The following ATP6V1C1 variants were observed in gnomAD, a reference collection of about 807,000 sequenced individuals.
ATP6V1C1 encodes ATPase H+ transporting V1 subunit C1.
In ATP6V1C1, 45 loss-of-function variants were observed where a neutral mutation model predicts 53.9. That is an observed-to-expected ratio of 0.83 (90% CI 0.66 to 1.07). The LOEUF is 1.07. Among genes scored for constraint, ATP6V1C1 ranks in the 50% least tolerant of loss-of-function variants. ATP6V1C1 has a pLI of 0.00. For synonymous variants in ATP6V1C1, 153 were observed against 155.2 expected, an observed-to-expected ratio of 0.99 and a Z score of 0.11; for missense variants, 315 against 440.3, an observed-to-expected ratio of 0.72 and a Z score of 2.55.
intron 1 of ATP6V1C1, among the ~76,000 whole-genome samples, chr8:103,038,052 A>G (rs1365963671): frequency 1.3e-5 from 2 of 152,186 alleles, no homozygotes; most frequent in Non-Finnish European, 2.9e-5. Flanking sequence ...CTGCACAACA[A>G]ACTACCCCAA....
chr8:103,053,870 T>C lies in ATP6V1C1; in HGVS notation c.474-14T>C, dbSNP rs376142951. 395 of 1,591,460 alleles carry C rather than the reference T, an allele frequency of 2.5e-4. 2 individuals are homozygous for C. Among genetic ancestry groups the C allele is most frequent in the Middle Eastern group, 2.0e-3 (12 of 5,994 alleles). ...ACATAATTATCAGCCTAATGATTTG[T>C]TTTAATTCCTCAGAGGAAGTTTGCT... On this transcript the variant is annotated splice_polypyrimidine_tract_variant and intron_variant, in intron 6 of 12. Transcript: ENST00000518738.
chr8:103,050,981 T>C, intron 4 of ATP6V1C1, 69 bp from the exon 5 acceptor site: 2 of 1,044,126 alleles, frequency 1.9e-6, no homozygotes, highest in Non-Finnish European at 2.9e-6. Flanking sequence ...CATTAAAATA[T>C]ATCGCTGTGT....
chr8:103,069,474 A>G lies in ATP6V1C1; in HGVS notation c.*727A>G, dbSNP rs1353812513. 1.3e-5 allele frequency: 2 copies of G among 152,222 alleles called. No homozygotes were observed. Among genetic ancestry groups the G allele is most frequent in the African/African-American group, 4.8e-5 (2 of 41,464 alleles). The allele number at this position is 152,222 out of a possible 1,614,324, so 9.4% of individuals were successfully genotyped here. A position where few individuals can be genotyped will look rare whatever the true frequency, so the allele number is the denominator to read the frequency against. The stretch of plus-strand genomic sequence containing the variant: ...AAATTTGAAGATGACTTTTCAGTAT[A>G]TGATGGGTATTTACATTTGAACACT... On this transcript the variant is annotated 3_prime_UTR_variant, in exon 13 of 13. Coordinates refer to ENST00000518738, the MANE Select transcript of ATP6V1C1 (RefSeq NM_001695.5).
At chr8:103,052,610 A>G (rs1344527221) in intron 5 of ATP6V1C1, 121 bp from the exon 6 acceptor site, 10 of 446,986 alleles carry the variant, frequency 2.2e-5, no homozygotes, top group African/African-American at 4.1e-5. Context: ...ATAATAGAAT[A>G]TTCTTACACT....
intron 8 of ATP6V1C1, among the ~76,000 whole-genome samples, chr8:103,057,812 C>T (rs1452582952): frequency 6.6e-6 from 1 of 152,050 alleles, no homozygotes; most frequent in African/African-American, 2.4e-5. Context: ...TAACAACAAA[C>T]TTGTGCTCAT....
At chr8:103,033,284 A>G (rs1176681856) in intron 1 of ATP6V1C1, among the ~76,000 whole-genome samples, 1 of 152,224 alleles carries the variant, frequency 6.6e-6, no homozygotes, top group East Asian at 1.9e-4. Context: ...TACATTTGTC[A>G]AAAACTCATC....
Position 103,028,342 on chromosome 8 carries a change from A to G in ATP6V1C1, c.-40+7117A>G, listed in dbSNP as rs116396758. ...GCAGAAAAACTCAGACAGGGATGCT[A>G]GTAGTGATGACAGTGAAGATTGGCA... On this transcript the variant is annotated intron_variant, in intron 1 of 12. Transcript: ENST00000518738. Among the ~76,000 whole-genome samples the G allele has an allele frequency of 4.4e-3, 673 of 152,320 alleles. 4 individuals carry two copies. The highest frequency in any genetic ancestry group is 0.015 in the African/African-American group (629 of 41,566).
At chr8:103,042,929 T>A (rs1428053214) in intron 3 of ATP6V1C1, among the ~76,000 whole-genome samples, 10 of 152,234 alleles carry the variant, frequency 6.6e-5, no homozygotes, top group Non-Finnish European at 2.9e-5. Context: ...TATCAGTATT[T>A]CATTTCTTTT....
chr8:103,029,393 C>T (rs558381553), intron 1 of ATP6V1C1, among the ~76,000 whole-genome samples: 23 of 152,044 alleles, frequency 1.5e-4, no homozygotes, highest in Admixed American at 1.4e-3. Context: ...CCTCAGCCTC[C>T]CAAGTAGCTG....
At chr8:103,051,926 G>A (rs143343800) in intron 5 of ATP6V1C1, among the ~76,000 whole-genome samples, 195 of 152,078 alleles carry the variant, frequency 1.3e-3, no homozygotes, top group African/African-American at 4.5e-3. Flanking sequence ...TTAGTTATGC[G>A]GTGTGCTGTA....
At chr8:103,066,537 A>C in intron 12 of ATP6V1C1, 90 bp downstream of exon 12, 2 of 1,344,226 alleles carry the variant, frequency 1.5e-6, no homozygotes, top group Non-Finnish European at 2.0e-6. Flanking sequence ...AGGGAGGGTA[A>C]GTATGAAACT....
chr8:103,040,549 G>T (rs1186080840), intron 1 of ATP6V1C1, among the ~76,000 whole-genome samples: 1 of 151,984 alleles, frequency 6.6e-6, no homozygotes, highest in Non-Finnish European at 1.5e-5. Context: ...GTTTTATAAT[G>T]AAAAAAAGTA....
Position 103,042,407 on chromosome 8 carries a change from G to A in ATP6V1C1, c.200G>A (p.Gly67Glu). 5.0e-6 allele frequency: 8 copies of A among 1,613,672 alleles called. No homozygotes were observed. The highest frequency in any genetic ancestry group is 6.8e-6 in the Non-Finnish European group (8 of 1,179,806). The part of the protein sequence containing the change: ...ELAKLDAFVE[G>E]VVKKVAQYMA... Reference sequence around the variant, plus strand: ...GCTAAACTGGATGCATTTGTAGAAGGGTAATGTACTTATATGCATGGAGTA... The same window carrying A: ...GCTAAACTGGATGCATTTGTAGAAGAGTAATGTACTTATATGCATGGAGTA... The change falls in exon 3 of 13, where the codon GGA becomes GAA. Residue 67 changes from glycine to glutamate, a missense_variant and splice_region_variant. Transcript: ENST00000518738.
intron 1 of ATP6V1C1, among the ~76,000 whole-genome samples, chr8:103,031,815 A>G (rs1157371549): frequency 1.3e-5 from 2 of 152,228 alleles, no homozygotes; most frequent in Non-Finnish European, 2.9e-5. Flanking sequence ...TTTAACATAC[A>G]TGTGATCTTG....
chr8:103,028,839 C>A (rs1816742783), intron 1 of ATP6V1C1, among the ~76,000 whole-genome samples: 1 of 152,194 alleles, frequency 6.6e-6, no homozygotes, highest in Admixed American at 6.5e-5. Context: ...ATCACATCTT[C>A]AGAAGTAGCT....
intron 1 of ATP6V1C1, among the ~76,000 whole-genome samples, chr8:103,036,253 ACT>A (rs1816897796): frequency 6.6e-6 from 1 of 152,222 alleles, no homozygotes; most frequent in Admixed American, 6.5e-5. Flanking sequence ...TCTGTGTATT[ACT>A]GCCTATCTCA....
rs1391056959 is a variant in ATP6V1C1, at chr8:103,058,628, CTT to C, written c.641+2693_641+2694del. On this transcript the variant is annotated intron_variant, in intron 8 of 12. Transcript: ENST00000518738. ...AACACATTACTTTTTGGTATGATAA[CTT>C]GAGTGATTATTGTTGGGAGCAGTGA... is the stretch of plus-strand genomic sequence containing the variant. Among the ~76,000 whole-genome samples the C allele has an allele frequency of 3.9e-5, 6 of 152,228 alleles. No homozygotes were observed. The East Asian group carries it at 9.6e-4, about 24-fold the overall frequency.
intron 4 of ATP6V1C1, among the ~76,000 whole-genome samples, chr8:103,049,424 C>T (rs1817161196): frequency 6.6e-6 from 1 of 152,108 alleles, no homozygotes; most frequent in African/African-American, 2.4e-5. Context: ...ATGATTTTGG[C>T]ATTTCTTTAC....
chr8:103,036,081 A>T (rs947692798), intron 1 of ATP6V1C1, among the ~76,000 whole-genome samples: 3 of 152,202 alleles, frequency 2.0e-5, no homozygotes, highest in Admixed American at 6.5e-5. Flanking sequence ...TGAAGCTTAC[A>T]TGTGGATTTC....
Sources: allele counts gnomAD v4.1 joint callset (sites outside exome capture counted in the v4.1 genomes callset), GRCh38; gene constraint gnomAD v4.1.1; transcripts MANE v1.5; gene names NCBI Gene and HGNC (gene_info 2026-07-23, HGNC 2026-07-21).